TCN2: variants seen among roughly 807,000 people sequenced by gnomAD.
TCN2 encodes transcobalamin-2.
A neutral mutation model predicts 48.6 loss-of-function variants in TCN2; 34 were observed. The ratio of observed to expected loss-of-function variants is 0.70; its 90% CI spans 0.53 to 0.93. The LOEUF is 0.93. TCN2 is among the 40% of genes least tolerant of loss of function. The pLI, the probability that TCN2 is intolerant of heterozygous loss-of-function variation, is 0.00. For missense variants in TCN2, 652 were observed against 526.1 expected (o/e 1.24, Z -2.34); for synonymous variants, 283 against 212.5 (o/e 1.33, Z -2.89).
Position 30,617,188 on chromosome 22 carries a change from C to T in TCN2, c.941-142C>T, listed in dbSNP as rs1389138543. The T allele has an allele frequency of 1.0e-5, 12 of 1,146,808 alleles. No individual in the cohort carries two copies. In the South Asian group the frequency reaches 1.5e-4, roughly 14 times the overall value. 71.0% of individuals were successfully genotyped at this position (1,146,808 alleles called of 1,614,324 possible). On this transcript the variant is annotated intron_variant, in intron 6 of 8. Transcript: ENST00000215838. The stretch of plus-strand genomic sequence containing the variant: ...GGCCGGGATGGAAGCCAGGTTTCAG[C>T]TGAGCAGGTGGCGGTGGCATTGATG...
rs72558392 is a variant in TCN2, at chr22:30,626,275, G to T, written c.1223-185G>T. Among the ~76,000 whole-genome samples the T allele has an allele frequency of 0.027, 4,161 of 152,212 alleles. 82 individuals are homozygous for T. The highest frequency in any genetic ancestry group is 0.039 in the Non-Finnish European group (2,662 of 68,024). On this transcript the variant is annotated intron_variant, in intron 8 of 8. Transcript: ENST00000215838. Reference sequence around the variant, plus strand: ...ATTACCAGATGAGGTCATGGCCTCAGGAACCCTGTGGGAAGCTGAGTTCAG... The same window carrying T: ...ATTACCAGATGAGGTCATGGCCTCATGAACCCTGTGGGAAGCTGAGTTCAG...
Position 30,615,302 on chromosome 22 carries a change from C to T in TCN2, c.582C>T (p.Asp194=), listed in dbSNP as rs762023960. ...GCATGTTCTGTCCCCCACTTCAAGACACAGCAGCCATGGCAGGCTTGGCAT... is the reference window on the plus strand; with the variant it reads ...GCATGTTCTGTCCCCCACTTCAAGATACAGCAGCCATGGCAGGCTTGGCAT... ...EPFHQGHHSV[D]TAAMAGLAFT... The change falls in exon 5 of 9, where the codon GAC becomes GAT. Residue 194 remains aspartate (D), a splice_region_variant and synonymous_variant. Transcript: ENST00000215838. The T allele has an allele frequency of 6.2e-7, 1 of 1,614,230 alleles. No homozygotes were observed. The highest frequency in any genetic ancestry group is 8.5e-7 in the Non-Finnish European group (1 of 1,180,050).
At position 30,623,921 on chromosome 22, in the gene TCN2, T is replaced by TATATGTATACATATACACACACAC. The variant is rs2087754746; in HGVS notation, c.1222+853_1222+854insCACACACACATATGTATACATATA. Among the ~76,000 whole-genome samples, 2 of 23,358 alleles carry TATATGTATACATATACACACACAC rather than the reference T, an allele frequency of 8.6e-5. 1 individual carries two copies. Among genetic ancestry groups the TATATGTATACATATACACACACAC allele is most frequent in the Non-Finnish European group, 1.7e-4 (2 of 11,448 alleles). 15.3% of individuals were successfully genotyped at this position (23,358 alleles called of 152,430 possible). A position where few individuals can be genotyped will look rare whatever the true frequency, so the allele number is the denominator to read the frequency against. On this transcript the variant is annotated intron_variant, in intron 8 of 8. Transcript: ENST00000215838. ...ATGTATACATATATATACACACATA[T>TATATGTATACATATACACACACAC]ATATGTATACATATATACACACACA...
Position 30,615,724 on chromosome 22 carries a change from C to T in TCN2, c.877C>T (p.Leu293=), listed in dbSNP as rs45624233. 5.2e-3 allele frequency: 8,444 copies of T among 1,614,200 alleles called. 26 individuals are homozygous for T. The highest frequency in any genetic ancestry group is 6.5e-3 in the Non-Finnish European group (7,700 of 1,180,038). ...GAATGCTCTCATGATTTCCCAGCTG[C>T]TGCCCGTTCTGAACCACAAGACCTA... ...FQNALMISQL[L]PVLNHKTYID... The change falls in exon 6 of 9, where the codon CTG becomes TTG. Residue 293 remains leucine (L), a synonymous_variant. Coordinates refer to ENST00000215838, the MANE Select transcript of TCN2 (RefSeq NM_000355.4).
intron 1 of TCN2, among the ~76,000 whole-genome samples, chr22:30,608,353 G>A (rs1472236519): frequency 6.6e-6 from 1 of 152,164 alleles, no homozygotes; most frequent in Non-Finnish European, 1.5e-5. Context: ...GAGCTTTGCT[G>A]AACTTAGTTT....
At position 30,612,896 on chromosome 22, in the gene TCN2, G is replaced by A. The variant is rs2087561910; in HGVS notation, c.281G>A (p.Gly94Asp). The A allele has an allele frequency of 1.2e-6, 2 of 1,613,882 alleles. No individual in the cohort carries two copies. The highest frequency in any genetic ancestry group is 1.1e-5 in the South Asian group (1 of 91,080). Residue 94 changes from glycine to aspartate, a missense_variant, in exon 3 of 9, where the codon GGT becomes GAT. Transcript: ENST00000215838. ...LLGSAFSEDD[G>D]DCQGKPSMGQ... The stretch of plus-strand genomic sequence containing the variant: ...AGGTCTGCCTTCAGCGAGGATGACG[G>A]TGACTGCCAGGGCAAGCCTTCCATG...
At chr22:30,617,124 G>A (rs1017927729) in intron 6 of TCN2, among the ~76,000 whole-genome samples, 4 of 151,448 alleles carry the variant, frequency 2.6e-5, no homozygotes, top group African/African-American at 9.8e-5. Context: ...AGGGGAGGCC[G>A]GGATGGAAGC....
At chr22:30,617,263 CAAG>C (rs1480411774) in intron 6 of TCN2, 64 bp from the exon 7 acceptor site, 6 of 1,607,526 alleles carry the variant, frequency 3.7e-6, no homozygotes, top group Non-Finnish European at 5.1e-6. Context: ...TGAGGGAAGA[CAAG>C]AAGACAAATA....
At chr22:30,608,934 A>G (rs943148867) in intron 1 of TCN2, among the ~76,000 whole-genome samples, 1 of 151,996 alleles carries the variant, frequency 6.6e-6, no homozygotes, top group African/African-American at 2.4e-5. Flanking sequence ...TTGGGGTGCA[A>G]ATATCTGCAC....
At chr22:30,620,111 G>A (rs929525270) in intron 7 of TCN2, among the ~76,000 whole-genome samples, 11 of 152,026 alleles carry the variant, frequency 7.2e-5, no homozygotes, top group African/African-American at 2.7e-4. Context: ...AAGCTATGAT[G>A]ACGTCACTGT....
chr22:30,625,402 T>TA (rs10579068), intron 8 of TCN2, among the ~76,000 whole-genome samples: 39 of 149,820 alleles, frequency 2.6e-4, no homozygotes, highest in Admixed American at 6.6e-4. Flanking sequence ...TTTTTTAATT[T>TA]AAAAAAAAAA....
In TCN2 at chr22:30,612,938, A is replaced by G. The variant is rs781309237; in HGVS notation, c.323A>G (p.Tyr108Cys). Residue 108 changes from tyrosine (Y) to cysteine (C), a missense_variant, in exon 3 of 9, where the codon TAC (tyrosine) becomes TGC (cysteine). By Grantham distance (194) the Tyr-to-Cys change is radical. Transcript: ENST00000215838. ...CCTTCCATGGGCCAGCTGGCCCTCTACCTGCTCGCTCTCAGAGCCAACTGT... is the reference window on the plus strand; with the variant it reads ...CCTTCCATGGGCCAGCTGGCCCTCTGCCTGCTCGCTCTCAGAGCCAACTGT... ...GKPSMGQLALYLLALRANCEF... is the reference protein window; with the variant it reads ...GKPSMGQLALCLLALRANCEF... 1.2e-6 allele frequency: 2 copies of G among 1,614,078 alleles called. No individual in the cohort carries two copies. Among genetic ancestry groups the G allele is most frequent in the South Asian group, 1.1e-5 (1 of 91,080 alleles).
In TCN2 at chr22:30,626,947, C is replaced by T. The variant is rs1291214036; in HGVS notation, c.*426C>T. The T allele has an allele frequency of 3.1e-5, 9 of 287,484 alleles. No individual in the cohort carries two copies. The highest frequency in any genetic ancestry group is 3.0e-4 in the South Asian group (8 of 26,298). 17.8% of individuals were successfully genotyped at this position (287,484 alleles called of 1,614,324 possible). On this transcript the variant is annotated 3_prime_UTR_variant, in exon 9 of 9. Transcript: ENST00000215838. ...GCCCTGACCCCAGCTCTCCACTCTG[C>T]TGTTAGAGTGGCAGCTCCGAGCTGG...
chr22:30,620,450 C>A (rs1193887259), intron 7 of TCN2, among the ~76,000 whole-genome samples: 1 of 152,260 alleles, frequency 6.6e-6, no homozygotes, highest in Non-Finnish European at 1.5e-5. Context: ...ATTCAAGCTG[C>A]AGTGAAGCCT....
intron 1 of TCN2, among the ~76,000 whole-genome samples, chr22:30,608,048 G>A (rs1362319636): frequency 1.3e-5 from 2 of 152,130 alleles, no homozygotes; most frequent in African/African-American, 2.4e-5. Context: ...TGTGCCCCAA[G>A]GGGTCTCTTG....
At position 30,623,960 on chromosome 22, in the gene TCN2, A is replaced by ATATG; in HGVS notation, c.1222+880_1222+881insGTAT. Reference sequence around the variant, plus strand: ...TATACACACACACATATGTATACATATATACACACACATATATATGTATAC... The same window carrying ATATG: ...TATACACACACACATATGTATACATATATGTATACACACACATATATATGTATAC... On this transcript the variant is annotated intron_variant, in intron 8 of 8. Transcript: ENST00000215838. Among the ~76,000 whole-genome samples, 18 of 79,994 alleles carry ATATG rather than the reference A, an allele frequency of 2.3e-4. 5 individuals are homozygous for ATATG. Among genetic ancestry groups the ATATG allele is most frequent in the Non-Finnish European group, 3.6e-4 (16 of 44,890 alleles). 52.5% of individuals were successfully genotyped at this position (79,994 alleles called of 152,430 possible).
In TCN2 at chr22:30,617,562, G is replaced by A. The variant is rs740235; in HGVS notation, c.1106+67G>A. On this transcript the variant is annotated intron_variant, in intron 7 of 8. Coordinates refer to ENST00000215838, the MANE Select transcript of TCN2 (RefSeq NM_000355.4). ...CATGCCTGATAACAGGGTCACAGAA[G>A]AGACGGGGAACAGAGGAGAGGGTTC... 628,629 of 1,606,988 alleles carry A rather than the reference G, an allele frequency of 0.39. 126,903 individuals are homozygous for A. Among genetic ancestry groups the A allele is most frequent in the Non-Finnish European group, 0.42 (489,532 of 1,175,494 alleles).
intron 2 of TCN2, among the ~76,000 whole-genome samples, chr22:30,611,737 A>G (rs553545268): frequency 6.6e-6 from 1 of 152,270 alleles, no homozygotes; most frequent in South Asian, 2.1e-4. Flanking sequence ...TGAACTCCTG[A>G]CCTCAGGTGA....
At chr22:30,616,985 C>T (rs771281659) in intron 6 of TCN2, among the ~76,000 whole-genome samples, 1 of 151,982 alleles carries the variant, frequency 6.6e-6, no homozygotes, top group African/African-American at 2.4e-5. Flanking sequence ...AACAGAGATG[C>T]GTTGTGAACA....
Sources: allele counts gnomAD v4.1 joint callset (sites outside exome capture counted in the v4.1 genomes callset), GRCh38; gene constraint gnomAD v4.1.1; transcripts MANE v1.5; gene names NCBI Gene and HGNC (gene_info 2026-07-23, HGNC 2026-07-21).